Variants in CORO2B observed in about 807,000 individuals in gnomAD.
CORO2B encodes coronin-2B.
In CORO2B, 26 loss-of-function variants were observed where a neutral mutation model predicts 58.8. That is an observed-to-expected ratio of 0.44 (90% CI 0.32 to 0.61). The LOEUF (loss-of-function observed/expected upper bound fraction) is 0.61. Ranked by LOEUF, CORO2B falls within the 20% of genes least tolerant of loss-of-function variation. The probability of loss-of-function intolerance (pLI) is 0.04; values close to 1 mark genes in which losing one functional copy is unlikely to be tolerated. For missense variants in CORO2B, 460 were observed against 645.1 expected, an observed-to-expected ratio of 0.71 and a Z score of 3.11; for synonymous variants, 242 against 253.8, an observed-to-expected ratio of 0.95 and a Z score of 0.44.
intron 1 of CORO2B, among the ~76,000 whole-genome samples, chr15:68,615,710 A>G (rs1444088740): frequency 6.6e-6 from 1 of 152,170 alleles, no homozygotes; most frequent in Non-Finnish European, 1.5e-5. Context: ...CCATGTGAGG[A>G]TGCAGCTAGA....
At chr15:68,683,583 G>A (rs1902865184) in intron 2 of CORO2B, among the ~76,000 whole-genome samples, 1 of 152,144 alleles carries the variant, frequency 6.6e-6, no homozygotes, top group Non-Finnish European at 1.5e-5. Context: ...CCCCACTGTA[G>A]GATATTGAGA....
At chr15:68,521,475 A>G in the CORO2B span, among the ~76,000 whole-genome samples, 1 of 152,148 alleles carries the variant, frequency 6.6e-6, no homozygotes, top group Non-Finnish European at 1.5e-5. Context: ...TGTAAAGTCA[A>G]TGTTTATTTA....
intron 2 of CORO2B, among the ~76,000 whole-genome samples, chr15:68,675,131 G>C (rs996077940): frequency 1.2e-4 from 19 of 152,182 alleles, no homozygotes; most frequent in Non-Finnish European, 2.8e-4. Flanking sequence ...ACTGAAATTG[G>C]GAAATAGAGC....
chr15:68,544,419 A>G, the CORO2B span, among the ~76,000 whole-genome samples: 1 of 152,118 alleles, frequency 6.6e-6, no homozygotes. Context: ...ACTAAGATTC[A>G]TCCATGCCCT....
intron 2 of CORO2B, among the ~76,000 whole-genome samples, chr15:68,663,493 C>T (rs754615170): frequency 1.1e-4 from 16 of 152,178 alleles, no homozygotes; most frequent in Admixed American, 3.9e-4. Context: ...CGCACACACA[C>T]GCAGAAGAAT....
At chr15:68,684,836 G>A (rs1902908885) in intron 2 of CORO2B, among the ~76,000 whole-genome samples, 1 of 152,208 alleles carries the variant, frequency 6.6e-6, no homozygotes, top group African/African-American at 2.4e-5. Flanking sequence ...CTGGGACACA[G>A]GGAGCCCGAT....
the CORO2B span, among the ~76,000 whole-genome samples, chr15:68,539,377 A>G: frequency 2.2e-4 from 34 of 152,352 alleles, 1 homozygote; most frequent in South Asian, 7.0e-3. Context: ...AGATATGTCT[A>G]TCAATAATTA....
chr15:68,644,649 G>A (rs1384723431), intron 1 of CORO2B, among the ~76,000 whole-genome samples: 4 of 152,160 alleles, frequency 2.6e-5, no homozygotes, highest in Non-Finnish European at 5.9e-5. Flanking sequence ...TAGAGAATCC[G>A]AGGGGATGAC....
chr15:68,631,122 C>T (rs2140260043), intron 1 of CORO2B, among the ~76,000 whole-genome samples: 1 of 152,286 alleles, frequency 6.6e-6, no homozygotes, highest in South Asian at 2.1e-4. Context: ...ATCTGCCTGC[C>T]TCCCTTCTCC....
intron 2 of CORO2B, among the ~76,000 whole-genome samples, chr15:68,691,322 C>T (rs1480847937): frequency 6.4e-5 from 2 of 31,456 alleles, no homozygotes; most frequent in Non-Finnish European, 1.6e-4. Context: ...AGCGAGACTC[C>T]GTCTCAAAAA....
chr15:68,594,979 G>A (rs1018565251), intron 1 of CORO2B, among the ~76,000 whole-genome samples: 2 of 152,224 alleles, frequency 1.3e-5, no homozygotes, highest in African/African-American at 4.8e-5. Context: ...TGAAAAGAGT[G>A]AACTATCAGT....
intron 1 of CORO2B, among the ~76,000 whole-genome samples, chr15:68,604,401 G>A (rs1488634069): frequency 6.6e-6 from 1 of 152,148 alleles, no homozygotes; most frequent in African/African-American, 2.4e-5. Context: ...GCTGAGGAGA[G>A]GAACCCTATT....
chr15:68,666,633 C>T (rs1902200602), intron 2 of CORO2B, among the ~76,000 whole-genome samples: 1 of 152,086 alleles, frequency 6.6e-6, no homozygotes, highest in African/African-American at 2.4e-5. Flanking sequence ...ATGAGCTCTT[C>T]CTGGAGAGCG....
At chr15:68,576,524 T>C (rs1010669536), upstream of CORO2B, among the ~76,000 whole-genome samples, 1 of 152,156 alleles carries the variant, frequency 6.6e-6, no homozygotes, top group Non-Finnish European at 1.5e-5. Flanking sequence ...GATGACAATC[T>C]GGGATTTGAA....
At chr15:68,686,020 G>GTTTTTTTTTTTTTTTTTTTTTT (rs56168498) in intron 2 of CORO2B, among the ~76,000 whole-genome samples, 14 of 103,334 alleles carry the variant, frequency 1.4e-4, no homozygotes, top group African/African-American at 1.4e-4. Context: ...TCCTACTTCT[G>GTTTTTTTTTTTTTTTTTTTTTT]TTTTTTTTTT....
At chr15:68,681,152 G>A (rs577066364) in intron 2 of CORO2B, among the ~76,000 whole-genome samples, 2 of 152,328 alleles carry the variant, frequency 1.3e-5, no homozygotes, top group South Asian at 4.1e-4. Context: ...GGAGGAGGTT[G>A]CAGTGAGCTG....
the CORO2B span, among the ~76,000 whole-genome samples, chr15:68,553,502 C>T: frequency 2.0e-5 from 3 of 152,174 alleles, no homozygotes. Flanking sequence ...CCGAACCACC[C>T]AGGAGGAATG....
the CORO2B span, among the ~76,000 whole-genome samples, chr15:68,564,978 T>C: frequency 6.6e-6 from 1 of 152,298 alleles, no homozygotes; most frequent in South Asian, 2.1e-4. Flanking sequence ...GAAATGGAAT[T>C]TTCAGAATCT....
upstream of CORO2B, among the ~76,000 whole-genome samples, chr15:68,575,947 G>A (rs2140546976): frequency 6.6e-6 from 1 of 151,688 alleles, no homozygotes; most frequent in East Asian, 2.0e-4. Context: ...AAGGTCAGGA[G>A]TTCGAGACCA....
Sources: allele counts gnomAD v4.1 joint callset (sites outside exome capture counted in the v4.1 genomes callset), GRCh38; gene constraint gnomAD v4.1.1; transcripts MANE v1.5; gene names NCBI Gene and HGNC (gene_info 2026-07-23, HGNC 2026-07-21).